URB1: variants seen among roughly 807,000 people sequenced by gnomAD.
URB1 encodes nucleolar pre-ribosomal-associated protein 1.
URB1 carries 197 observed loss-of-function variants against 242.3 expected under a neutral mutation model. The ratio of observed to expected loss-of-function variants is 0.81; its 90% CI spans 0.72 to 0.91. URB1 has a LOEUF of 0.91. Among genes scored for constraint, URB1 ranks in the 40% least tolerant of loss-of-function variants. URB1 has a pLI of 0.00. For synonymous variants in URB1, 1,153 were observed against 1,201.8 expected, an observed-to-expected ratio of 0.96 and a Z score of 0.84; for missense variants, 2,721 against 2,860.5, an observed-to-expected ratio of 0.95 and a Z score of 1.11.
At chr21:32,339,798 T>C (rs1346811613) in intron 25 of URB1, among the ~76,000 whole-genome samples, 1 of 151,720 alleles carries the variant, frequency 6.6e-6, no homozygotes, top group Admixed American at 6.6e-5. Flanking sequence ...GCCCAGTGCA[T>C]TTGTTTTCTT....
At chr21:32,318,810 A>C (rs1418028042) in intron 36 of URB1, among the ~76,000 whole-genome samples, 2 of 152,228 alleles carry the variant, frequency 1.3e-5, no homozygotes, top group Non-Finnish European at 2.9e-5. Context: ...ATGAAGGCAG[A>C]GGCAAGTTTG....
Position 32,311,423 on chromosome 21 carries a change from C to CCCCCCCAAAAAA in URB1, c.*3494_*3495insTTTTTTGGGGGG. 1 of 292,250 alleles carries CCCCCCCAAAAAA rather than the reference C, an allele frequency of 3.4e-6. No homozygotes were observed. The allele number at this position is 292,250 out of a possible 1,614,324, so 18.1% of individuals were successfully genotyped here. On this transcript the variant is annotated 3_prime_UTR_variant, in exon 39 of 39. Transcript: ENST00000382751. Reference sequence around the variant, plus strand: ...GCTCCCCTCCACCCCCCACCCCCCCCATCCTAAATCAATGTAGGAAGAAGT... The same window carrying CCCCCCCAAAAAA: ...GCTCCCCTCCACCCCCCACCCCCCCCCCCCCCAAAAAAATCCTAAATCAATGTAGGAAGAAGT...
intron 10 of URB1, among the ~76,000 whole-genome samples, 185 bp downstream of exon 10, chr21:32,366,433 C>T (rs939248980): frequency 1.3e-5 from 2 of 152,178 alleles, no homozygotes; most frequent in African/African-American, 4.8e-5. Context: ...AAGGTCCTTA[C>T]CCAGGTGCGT....
intron 30 of URB1, among the ~76,000 whole-genome samples, chr21:32,328,197 G>A (rs1183540969): frequency 6.6e-6 from 1 of 152,222 alleles, no homozygotes; most frequent in Non-Finnish European, 1.5e-5. Context: ...GAGTGCAGTG[G>A]CACAATCTTG....
rs2032645019 is a variant in URB1 at position 32,314,410 on chromosome 21, C to T, written c.*508G>A. On this transcript the variant is annotated 3_prime_UTR_variant, in exon 39 of 39. Coordinates refer to ENST00000382751, the MANE Select transcript of URB1 (RefSeq NM_014825.3). ...ATGTTGGGAAGGCTGGTTTCGAACT[C>T]CTGACCTCAGGTGATTCACCCGCCT... 2.0e-5 allele frequency: 14 copies of T among 714,558 alleles called. No homozygotes were observed. In the South Asian group the frequency reaches 2.0e-4, roughly 10 times the overall value. The allele number at this position is 714,558 out of a possible 1,614,324, so 44.3% of individuals were successfully genotyped here. A position where few individuals can be genotyped will look rare whatever the true frequency, so the allele number is the denominator to read the frequency against.
At chr21:32,361,366 C>T (rs2033285848) in intron 12 of URB1, among the ~76,000 whole-genome samples, 1 of 152,056 alleles carries the variant, frequency 6.6e-6, no homozygotes, top group African/African-American at 2.4e-5. Context: ...TAAAACTGTT[C>T]AGGGGGTCTG....
rs1359380887 is a variant in URB1, at chr21:32,313,091, C to T, written c.*1827G>A. 1 of 152,276 alleles carries T rather than the reference C, an allele frequency of 6.6e-6. No individual in the cohort carries two copies. The highest frequency in any genetic ancestry group is 2.4e-5 in the African/African-American group (1 of 41,460). The allele number at this position is 152,276 out of a possible 1,614,324, so 9.4% of individuals were successfully genotyped here. On this transcript the variant is annotated 3_prime_UTR_variant, in exon 39 of 39. Coordinates refer to ENST00000382751, the MANE Select transcript of URB1 (RefSeq NM_014825.3). ...GTGTCCTCACTTGACTGAGCTGGAACTCGGCTTTGGAGCATTTGTCGCCAC... is the reference window on the plus strand; with the variant it reads ...GTGTCCTCACTTGACTGAGCTGGAATTCGGCTTTGGAGCATTTGTCGCCAC...
rs140113354 is a variant in URB1 at position 32,314,646 on chromosome 21, C to A, written c.*272G>T. The A allele has an allele frequency of 6.8e-6, 11 of 1,613,970 alleles. 1 individual carries two copies. The highest frequency in any genetic ancestry group is 6.7e-5 in the Admixed American group (4 of 60,002). ...CTCCAAGCCCCTAGAGAGGAAGGGG[C>A]GGCCTGACGAGGCACTGGATGGGCC... On this transcript the variant is annotated 3_prime_UTR_variant, in exon 39 of 39. Coordinates refer to ENST00000382751, the MANE Select transcript of URB1 (RefSeq NM_014825.3).
chr21:32,372,679 T>G, intron 7 of URB1, 48 bp from the exon 8 acceptor site: 1 of 1,520,942 alleles, frequency 6.6e-7, no homozygotes, highest in East Asian at 2.5e-5. Context: ...GCTCATACAC[T>G]TTAGTAAGAG....
intron 4 of URB1, among the ~76,000 whole-genome samples, chr21:32,382,632 C>G (rs1158894441): frequency 6.6e-6 from 1 of 152,102 alleles, no homozygotes; most frequent in Non-Finnish European, 1.5e-5. Flanking sequence ...TACCTGTCCC[C>G]TTATTCTTTA....
Position 32,349,325 on chromosome 21 carries a change from C to A in URB1, c.2991G>T (p.Ser997=), listed in dbSNP as rs763341296. ...DLFLDMESVA[S]LELANDQTLE... ...GTACCTGATCATTGGCCAACTCCAG[C>A]GAGGCCACGGACTCCATGTCCAGGA... The change falls in exon 21 of 39, where the codon TCG becomes TCT. Residue 997 remains serine, a synonymous_variant. Coordinates refer to ENST00000382751, the MANE Select transcript of URB1 (RefSeq NM_014825.3). 17 of 1,545,898 alleles carry A rather than the reference C, an allele frequency of 1.1e-5. No individual in the cohort carries two copies. Among genetic ancestry groups the A allele is most frequent in the Admixed American group, 2.0e-5 (1 of 50,126 alleles).
chr21:32,386,023 A>G (rs1262460490), intron 1 of URB1, among the ~76,000 whole-genome samples: 5 of 151,940 alleles, frequency 3.3e-5, no homozygotes, highest in Non-Finnish European at 7.4e-5. Context: ...GTGGTGGCAC[A>G]TATCTGTAGT....
chr21:32,337,354 G>A (rs1037850697), intron 27 of URB1, 50 bp downstream of exon 27: 21 of 1,487,794 alleles, frequency 1.4e-5, no homozygotes, highest in Admixed American at 8.0e-5. Context: ...TCACACCCCC[G>A]GCCCTCACTC....
chr21:32,312,532 C>G lies in URB1; in HGVS notation c.*2386G>C. 5.5e-6 allele frequency: 1 copy of G among 180,392 alleles called. No homozygotes were observed. Among genetic ancestry groups the G allele is most frequent in the South Asian group, 1.4e-4 (1 of 7,390 alleles). The allele number at this position is 180,392 out of a possible 1,614,324, so 11.2% of individuals were successfully genotyped here. A position where few individuals can be genotyped will look rare whatever the true frequency, so the allele number is the denominator to read the frequency against. On this transcript the variant is annotated 3_prime_UTR_variant, in exon 39 of 39. Coordinates refer to ENST00000382751, the MANE Select transcript of URB1 (RefSeq NM_014825.3). Reference sequence around the variant, plus strand: ...TCCCCACAGCCTTTCAAAGACAGAGCCCAAGAAAGTGTCTCCCCTGGAGGG... The same window carrying G: ...TCCCCACAGCCTTTCAAAGACAGAGGCCAAGAAAGTGTCTCCCCTGGAGGG...
At position 32,355,438 on chromosome 21, in the gene URB1, T is replaced by C. The variant is rs1349466751; in HGVS notation, c.2106+11A>G. The C allele has an allele frequency of 1.9e-6, 3 of 1,548,674 alleles. No homozygotes were observed. In the South Asian group the frequency reaches 3.6e-5, roughly 18 times the overall value. On this transcript the variant is annotated intron_variant, in intron 16 of 38. Coordinates refer to ENST00000382751, the MANE Select transcript of URB1 (RefSeq NM_014825.3). ...TGAGCATGTTCCTTTATGTGGGAAA[T>C]ATGTGCTTACGCGTTCCAGAAACTG...
At chr21:32,364,574 A>G (rs2033324635) in intron 10 of URB1, among the ~76,000 whole-genome samples, 1 of 152,216 alleles carries the variant, frequency 6.6e-6, no homozygotes, top group Non-Finnish European at 1.5e-5. Context: ...AACTATCCTA[A>G]GCCAAGAATG....
chr21:32,342,283 G>T (rs1469389756), intron 24 of URB1, among the ~76,000 whole-genome samples: 2 of 152,186 alleles, frequency 1.3e-5, no homozygotes, highest in Non-Finnish European at 2.9e-5. Flanking sequence ...TGGATGACAT[G>T]AAGAGGTCTG....
chr21:32,351,632 G>A (rs1410762537), intron 19 of URB1, among the ~76,000 whole-genome samples: 1 of 152,126 alleles, frequency 6.6e-6, no homozygotes, highest in Non-Finnish European at 1.5e-5. Flanking sequence ...CACTGTGGCT[G>A]GAACCCGGCA....
intron 23 of URB1, 92 bp downstream of exon 23, chr21:32,345,282 A>T: frequency 7.5e-7 from 1 of 1,337,382 alleles, no homozygotes; most frequent in Non-Finnish European, 1.0e-6. Context: ...GCACAACAGT[A>T]ATGCAGCAGT....
Sources: allele counts gnomAD v4.1 joint callset (sites outside exome capture counted in the v4.1 genomes callset), GRCh38; gene constraint gnomAD v4.1.1; transcripts MANE v1.5; gene names NCBI Gene and HGNC (gene_info 2026-07-23, HGNC 2026-07-21).